The following RIMS2 variants were observed in gnomAD, a reference collection of about 807,000 sequenced individuals.
RIMS2 encodes the protein regulating synaptic membrane exocytosis protein 2.
A neutral mutation model predicts 174.4 loss-of-function variants in RIMS2; 59 were observed. The observed-to-expected ratio is 0.34, with a 90% CI of 0.27 to 0.42. The LOEUF is 0.42. Among genes scored for constraint, RIMS2 ranks in the 10% least tolerant of loss-of-function variants. RIMS2 has a pLI of 1.00. For synonymous variants in RIMS2, 606 were observed against 572.5 expected (o/e 1.06, Z -0.84); for missense variants, 1,620 against 1,666.3 (o/e 0.97, Z 0.48).
At chr8:103,598,994 A>C (rs566353824) in intron 1 of RIMS2, among the ~76,000 whole-genome samples, 4 of 151,832 alleles carry the variant, frequency 2.6e-5, no homozygotes, top group African/African-American at 7.3e-5. Context: ...CAGAAGATCT[A>C]CTCCTACTGC....
At chr8:103,531,731 T>A (rs1837262060) in intron 1 of RIMS2, among the ~76,000 whole-genome samples, 1 of 152,196 alleles carries the variant, frequency 6.6e-6, no homozygotes. Context: ...AACTAGTAAA[T>A]GTTTTAATAA....
chr8:104,138,767 C>T (rs1244210226), intron 19 of RIMS2, among the ~76,000 whole-genome samples: 2 of 151,976 alleles, frequency 1.3e-5, no homozygotes, highest in Admixed American at 6.6e-5. Flanking sequence ...GCCTTTTAAC[C>T]TGATGTGATC....
chr8:103,924,619 C>T (rs2078377201), intron 10 of RIMS2, among the ~76,000 whole-genome samples: 1 of 151,564 alleles, frequency 6.6e-6, no homozygotes, highest in Admixed American at 6.6e-5. Context: ...ACTTCACTTA[C>T]AAAATTATGA....
chr8:103,646,683 G>A (rs1047377475), intron 1 of RIMS2, among the ~76,000 whole-genome samples: 3 of 152,128 alleles, frequency 2.0e-5, no homozygotes, highest in African/African-American at 7.2e-5. Flanking sequence ...GTTTGCTGAG[G>A]ATAATGCCTT....
chr8:103,888,132 G>A (rs1429933402), intron 4 of RIMS2, among the ~76,000 whole-genome samples: 3 of 151,070 alleles, frequency 2.0e-5, no homozygotes, highest in Admixed American at 6.6e-5. Flanking sequence ...TGGACATATC[G>A]GTGAAATTCT....
intron 2 of RIMS2, among the ~76,000 whole-genome samples, chr8:103,765,065 T>C (rs1564553728): frequency 2.0e-5 from 3 of 152,230 alleles, no homozygotes; most frequent in Admixed American, 6.5e-5. Flanking sequence ...GAAAATGCCA[T>C]GTTGAAACTT....
intron 1 of RIMS2, among the ~76,000 whole-genome samples, chr8:103,604,379 C>A (rs1452652953): frequency 2.0e-5 from 3 of 151,982 alleles, no homozygotes; most frequent in African/African-American, 7.3e-5. Context: ...GGTACCAGTA[C>A]CATGCTGTTT....
chr8:103,925,074 A>G (rs1595258614), intron 10 of RIMS2, among the ~76,000 whole-genome samples: 1 of 151,630 alleles, frequency 6.6e-6, no homozygotes, highest in East Asian at 1.9e-4. Context: ...TAATAGTTTT[A>G]ATTAGTTTGT....
At chr8:104,052,369 C>G (rs1377132377) in intron 19 of RIMS2, among the ~76,000 whole-genome samples, 1 of 152,084 alleles carries the variant, frequency 6.6e-6, no homozygotes, top group African/African-American at 2.4e-5. Context: ...TCTAACACAT[C>G]CCAAGCAACT....
rs144037397 is a variant in RIMS2, at chr8:103,970,048, C to G, written c.2771-5302C>G. ...TACAGGTGTGAGCCACTATCCCCAG[C>G]CTGTAGTTGTTTTTTCTTGATAATT... On this transcript the variant is annotated intron_variant, in intron 15 of 23. Coordinates refer to ENST00000504942, the Ensembl canonical transcript of RIMS2. Among the ~76,000 whole-genome samples, 34 of 152,284 alleles carry G rather than the reference C, an allele frequency of 2.2e-4. No homozygotes were observed. In the East Asian group the frequency reaches 6.5e-3, roughly 29 times the overall value.
intron 1 of RIMS2, among the ~76,000 whole-genome samples, chr8:103,572,018 C>T (rs1353109915): frequency 6.6e-6 from 1 of 152,286 alleles, no homozygotes; most frequent in Admixed American, 6.5e-5. Flanking sequence ...TCTCTCTTGA[C>T]TTCAAAAATG....
chr8:104,038,709 G>A (rs932916267), intron 19 of RIMS2, among the ~76,000 whole-genome samples: 5 of 151,908 alleles, frequency 3.3e-5, no homozygotes, highest in East Asian at 1.9e-4. Context: ...GGCTGCTTAC[G>A]TAAGGGAGTT....
At chr8:103,894,094 G>C (rs1477218594) in intron 4 of RIMS2, among the ~76,000 whole-genome samples, 1 of 151,974 alleles carries the variant, frequency 6.6e-6, no homozygotes, top group Non-Finnish European at 1.5e-5. Context: ...GAAAATTTAA[G>C]TCACCAGATT....
intron 3 of RIMS2, among the ~76,000 whole-genome samples, chr8:103,788,691 A>T (rs1328273669): frequency 2.0e-5 from 3 of 152,010 alleles, no homozygotes; most frequent in Admixed American, 1.3e-4. Context: ...AGACAGGGAC[A>T]TTTAAGTCTG....
rs186475450 is a variant in RIMS2 at position 103,802,496 on chromosome 8, A to G, written c.698+35959A>G. Among the ~76,000 whole-genome samples the G allele has an allele frequency of 1.6e-3, 242 of 152,324 alleles. 3 individuals are homozygous for G. The highest frequency in any genetic ancestry group is 0.015 in the Admixed American group (231 of 15,298). ...AGTGAAGTAATTCCGGTATTGGTCA[A>G]GGATATAATGGATAAGGACTACAAA... is the stretch of plus-strand genomic sequence containing the variant. On this transcript the variant is annotated intron_variant, in intron 3 of 23. Transcript: ENST00000504942.
rs189125223 is a variant in RIMS2, at chr8:103,816,216, A to G, written c.698+49679A>G. Among the ~76,000 whole-genome samples, 264 of 152,332 alleles carry G rather than the reference A, an allele frequency of 1.7e-3. 1 individual carries two copies. The highest frequency in any genetic ancestry group is 6.2e-3 in the African/African-American group (259 of 41,580). Reference sequence around the variant, plus strand: ...ACTCTTGTATTTATGACCCTTATAGAAGATGATGTGGCAGGCTAAAAATAA... The same window carrying G: ...ACTCTTGTATTTATGACCCTTATAGGAGATGATGTGGCAGGCTAAAAATAA... On this transcript the variant is annotated intron_variant, in intron 3 of 23. Transcript: ENST00000504942.
intron 3 of RIMS2, among the ~76,000 whole-genome samples, chr8:103,770,385 G>C (rs570219356): frequency 6.6e-6 from 1 of 152,158 alleles, no homozygotes; most frequent in South Asian, 2.1e-4. Context: ...AGACCAGCAT[G>C]GCCAACTTGG....
chr8:103,996,042 G>T (rs1159381621), intron 17 of RIMS2, among the ~76,000 whole-genome samples: 1 of 151,816 alleles, frequency 6.6e-6, no homozygotes, highest in African/African-American at 2.4e-5. Flanking sequence ...TACAAAAAAA[G>T]GAATAGCTGA....
intron 19 of RIMS2, among the ~76,000 whole-genome samples, chr8:104,106,910 G>A (rs942666337): frequency 1.1e-4 from 17 of 152,014 alleles, no homozygotes; most frequent in African/African-American, 3.9e-4. Flanking sequence ...TCATGCATGA[G>A]TATTATTGTT....
Sources: allele counts gnomAD v4.1 joint callset (sites outside exome capture counted in the v4.1 genomes callset), GRCh38; gene constraint gnomAD v4.1.1; transcripts MANE v1.5; gene names NCBI Gene and HGNC (gene_info 2026-07-23, HGNC 2026-07-21).